SMAP1: variants seen among roughly 807,000 people sequenced by gnomAD.
The protein encoded by SMAP1 is stromal membrane-associated protein 1.
Under a neutral mutation model 58.5 loss-of-function variants are expected in SMAP1, and 24 were observed. The observed-to-expected ratio is 0.41, with a 90% confidence interval of 0.30 to 0.58. The LOEUF is 0.58. SMAP1 is among the 20% of genes least tolerant of loss of function. The pLI, the probability that SMAP1 is intolerant of heterozygous loss-of-function variation, is 0.29. For missense variants in SMAP1, 563 were observed against 566.3 expected, an observed-to-expected ratio of 0.99 and a Z score of 0.06; for synonymous variants, 216 against 196.6, an observed-to-expected ratio of 1.10 and a Z score of -0.82.
intron 6 of SMAP1, among the ~76,000 whole-genome samples, chr6:70,822,333 A>T (rs186719320): frequency 1.1e-3 from 165 of 152,326 alleles, no homozygotes; most frequent in African/African-American, 3.9e-3. Context: ...CAATAGTTAT[A>T]TCAGGTTGAT....
chr6:70,755,117 T>A (rs1766433062), intron 3 of SMAP1, 52 bp downstream of exon 3: 1 of 1,360,648 alleles, frequency 7.3e-7, no homozygotes, highest in Non-Finnish European at 1.0e-6. Context: ...AACTCATTTT[T>A]ACAGTTCATA....
At chr6:70,759,965 T>C (rs1029284709) in intron 3 of SMAP1, 8 of 366,094 alleles carry the variant, frequency 2.2e-5, no homozygotes, top group South Asian at 1.7e-4. Flanking sequence ...ACATAGAGCA[T>C]AATATTTTCT....
chr6:70,813,139 C>A (rs1266755901), intron 6 of SMAP1, among the ~76,000 whole-genome samples: 8 of 151,962 alleles, frequency 5.3e-5, no homozygotes, highest in African/African-American at 1.9e-4. Context: ...TTTTCTCTCA[C>A]CCCCAATTTA....
intron 1 of SMAP1, among the ~76,000 whole-genome samples, chr6:70,727,914 T>G (rs1353472679): frequency 1.3e-5 from 2 of 152,010 alleles, no homozygotes; most frequent in African/African-American, 4.8e-5. Flanking sequence ...AATACAAAAA[T>G]TAGCTGGGCG....
At chr6:70,672,998 A>C (rs1190115429) in intron 1 of SMAP1, among the ~76,000 whole-genome samples, 1 of 152,072 alleles carries the variant, frequency 6.6e-6, no homozygotes, top group Non-Finnish European at 1.5e-5. Flanking sequence ...GATAGTGAGG[A>C]TTGCAGGCAA....
chr6:70,800,806 G>T (rs1291891611), intron 6 of SMAP1, among the ~76,000 whole-genome samples: 1 of 152,030 alleles, frequency 6.6e-6, no homozygotes, highest in Non-Finnish European at 1.5e-5. Context: ...TGAGAATGAT[G>T]GTTTCCAGCT....
intron 2 of SMAP1, among the ~76,000 whole-genome samples, chr6:70,734,052 T>C (rs1247315188): frequency 6.6e-6 from 1 of 152,112 alleles, no homozygotes; most frequent in African/African-American, 2.4e-5. Flanking sequence ...TATTAAATAA[T>C]AATATTTGAA....
intron 1 of SMAP1, among the ~76,000 whole-genome samples, chr6:70,725,905 C>G (rs1768763852): frequency 6.6e-6 from 1 of 152,180 alleles, no homozygotes; most frequent in African/African-American, 2.4e-5. Context: ...AAACCTATAT[C>G]ATTAGCCTCA....
At chr6:70,828,349 T>C (rs553464451) in intron 6 of SMAP1, among the ~76,000 whole-genome samples, 2 of 152,312 alleles carry the variant, frequency 1.3e-5, no homozygotes, top group African/African-American at 4.8e-5. Context: ...TATGAAGATT[T>C]CAGTAGGTAA....
intron 6 of SMAP1, among the ~76,000 whole-genome samples, chr6:70,830,155 C>T (rs1047172749): frequency 6.6e-6 from 1 of 152,114 alleles, no homozygotes; most frequent in Admixed American, 6.5e-5. Context: ...TATAGATTGC[C>T]TAATTTTATC....
chr6:70,843,179 T>C lies in SMAP1; in HGVS notation c.664+6151T>C, dbSNP rs1210619413. Among the ~76,000 whole-genome samples the C allele has an allele frequency of 2.1e-5, 3 of 144,914 alleles. No homozygotes were observed. The East Asian group carries it at 6.5e-4, about 31-fold the overall frequency. ...TCCCCCCCCCCTTTTTAAAATTAAC[T>C]AATAATAAAACTAACAACTAATAAG... On this transcript the variant is annotated intron_variant, in intron 7 of 10. Coordinates refer to ENST00000370455, the MANE Select transcript of SMAP1 (RefSeq NM_001044305.3).
chr6:70,801,895 A>G (rs1018650279), intron 6 of SMAP1, among the ~76,000 whole-genome samples: 1 of 152,112 alleles, frequency 6.6e-6, no homozygotes, highest in South Asian at 2.1e-4. Context: ...GGTACCAGCA[A>G]CATGCTGTTT....
At chr6:70,828,586 C>G (rs1322282755) in intron 6 of SMAP1, among the ~76,000 whole-genome samples, 1 of 152,156 alleles carries the variant, frequency 6.6e-6, no homozygotes, top group Non-Finnish European at 1.5e-5. Context: ...AATATTTTTT[C>G]TTTTCACTAC....
In SMAP1 at chr6:70,763,106, C is replaced by CTTTTTTTT. The variant is rs35936929; in HGVS notation, c.338+8058_338+8065dup. Among the ~76,000 whole-genome samples, 292 of 84,446 alleles carry CTTTTTTTT rather than the reference C, an allele frequency of 3.5e-3. 26 individuals carry two copies. Among genetic ancestry groups the CTTTTTTTT allele is most frequent in the Middle Eastern group, 0.019 (2 of 106 alleles). The allele number at this position is 84,446 out of a possible 152,430, so 55.4% of individuals were successfully genotyped here. A position where few individuals can be genotyped will look rare whatever the true frequency, so the allele number is the denominator to read the frequency against. On this transcript the variant is annotated intron_variant, in intron 3 of 10. Coordinates refer to ENST00000370455, the MANE Select transcript of SMAP1 (RefSeq NM_001044305.3). ...CTTTATTTGCACTGTACAGATATTA[C>CTTTTTTTT]TTTTTTTTTTTTTTTTTTTTTTTTA...
At chr6:70,754,948 T>C in intron 2 of SMAP1, 32 bp from the exon 3 acceptor site, 1 of 1,401,648 alleles carries the variant, frequency 7.1e-7, no homozygotes. Context: ...TTAATGTTTA[T>C]GTGAGTAATT....
chr6:70,722,465 A>G (rs766732831), intron 1 of SMAP1, among the ~76,000 whole-genome samples: 12 of 152,256 alleles, frequency 7.9e-5, no homozygotes, highest in Admixed American at 1.3e-4. Flanking sequence ...CTGAATTAAA[A>G]TGATAGAACT....
At chr6:70,679,013 ATTTTTTGTTTTTTT>A (rs985388102) in intron 1 of SMAP1, among the ~76,000 whole-genome samples, 9 of 150,238 alleles carry the variant, frequency 6.0e-5, no homozygotes, top group South Asian at 2.1e-4. Flanking sequence ...TGGAATCTAG[ATTTTTTGTTTTTTT>A]TTTTTTGTTT....
At chr6:70,752,165 G>T (rs1452014352) in intron 2 of SMAP1, among the ~76,000 whole-genome samples, 1 of 152,172 alleles carries the variant, frequency 6.6e-6, no homozygotes, top group Non-Finnish European at 1.5e-5. Context: ...CTTAGTGTCA[G>T]CCGTGTCACT....
chr6:70,774,171 C>T (rs1229541020), intron 4 of SMAP1, among the ~76,000 whole-genome samples: 1 of 152,180 alleles, frequency 6.6e-6, no homozygotes, highest in East Asian at 1.9e-4. Context: ...TGTATGAGCA[C>T]ACTCGATTAT....
Sources: gnomAD v4.1 joint callset for allele counts (sites outside exome capture counted in the v4.1 genomes callset) on GRCh38, gnomAD v4.1.1 for gene constraint, MANE v1.5 for transcripts, NCBI Gene and HGNC (gene_info 2026-07-23, HGNC 2026-07-21) for gene names.